Variants in P4HA1 observed in about 807,000 individuals in gnomAD.
P4HA1 encodes prolyl 4-hydroxylase subunit alpha 1.
P4HA1 carries 24 observed loss-of-function variants against 72.8 expected under a neutral mutation model. That is an observed-to-expected ratio of 0.33 (90% CI 0.24 to 0.46). The LOEUF is 0.46. Among genes scored for constraint, P4HA1 ranks in the 20% least tolerant of loss-of-function variants. The pLI is 1.00. For missense variants in P4HA1, 446 were observed against 640.6 expected, an observed-to-expected ratio of 0.70 and a Z score of 3.28; for synonymous variants, 201 against 218.8, an observed-to-expected ratio of 0.92 and a Z score of 0.72.
At chr10:73,041,547 C>CAAA (rs1330460920) in intron 9 of P4HA1, among the ~76,000 whole-genome samples, 6,144 of 146,600 alleles carry the variant, frequency 0.042, 470 homozygotes, top group African/African-American at 0.15. Flanking sequence ...CATCCCCCCC[C>CAAA]CAAAAAAAAA....
chr10:73,012,059 T>A (rs1839919923), intron 12 of P4HA1, among the ~76,000 whole-genome samples: 1 of 152,066 alleles, frequency 6.6e-6, no homozygotes, highest in Admixed American at 6.6e-5. Context: ...GGTATTTAAA[T>A]AACGGAAAAA....
intron 12 of P4HA1, among the ~76,000 whole-genome samples, chr10:73,012,341 A>G (rs189280802): frequency 3.3e-5 from 5 of 152,320 alleles, no homozygotes; most frequent in Admixed American, 3.3e-4. Context: ...TCTGACAAAC[A>G]TACTTCACAA....
intron 5 of P4HA1, among the ~76,000 whole-genome samples, chr10:73,057,408 T>C (rs1310650296): frequency 1.3e-5 from 2 of 152,064 alleles, no homozygotes; most frequent in Non-Finnish European, 2.9e-5. Flanking sequence ...GAGAATGGCA[T>C]GAACCTGGGA....
chr10:73,068,197 T>G (rs961417948), intron 5 of P4HA1, among the ~76,000 whole-genome samples: 1 of 152,192 alleles, frequency 6.6e-6, no homozygotes, highest in Admixed American at 6.5e-5. Flanking sequence ...ACATTTTGAT[T>G]AACAACTCAT....
chr10:73,070,091 T>C (rs1310492012), intron 4 of P4HA1, among the ~76,000 whole-genome samples: 2 of 148,096 alleles, frequency 1.4e-5, no homozygotes, highest in Non-Finnish European at 3.0e-5. Flanking sequence ...ATTACAGGCA[T>C]GAGCAACTGT....
At chr10:73,012,381 C>G (rs1839925009) in intron 12 of P4HA1, among the ~76,000 whole-genome samples, 1 of 152,192 alleles carries the variant, frequency 6.6e-6, no homozygotes, top group African/African-American at 2.4e-5. Context: ...GGGATATAAA[C>G]TGGTACAACC....
intron 10 of P4HA1, among the ~76,000 whole-genome samples, chr10:73,029,490 G>T (rs1840381365): frequency 1.3e-5 from 2 of 148,912 alleles, no homozygotes; most frequent in Non-Finnish European, 3.0e-5. Flanking sequence ...TGCACATTTT[G>T]ATAACTTCAA....
chr10:73,092,366 T>TTA (rs796622096), intron 1 of P4HA1, among the ~76,000 whole-genome samples: 75 of 141,702 alleles, frequency 5.3e-4, no homozygotes, highest in African/African-American at 1.8e-3. Context: ...TTTTTTTTTT[T>TTA]AGAGACAGGG....
intron 1 of P4HA1, among the ~76,000 whole-genome samples, chr10:73,085,364 A>G (rs543466442): frequency 6.6e-6 from 1 of 151,964 alleles, no homozygotes; most frequent in African/African-American, 2.4e-5. Flanking sequence ...ATCCAAATAT[A>G]TAAAGAACTT....
chr10:73,016,438 C>G (rs954499756), intron 11 of P4HA1, among the ~76,000 whole-genome samples: 1 of 152,210 alleles, frequency 6.6e-6, no homozygotes, highest in Non-Finnish European at 1.5e-5. Flanking sequence ...TGAATGAAGT[C>G]TGCCTTACCA....
chr10:73,014,833 T>C (rs983865703), intron 11 of P4HA1, among the ~76,000 whole-genome samples: 45 of 132,938 alleles, frequency 3.4e-4, no homozygotes, highest in African/African-American at 1.5e-3. Context: ...TCTTTTTTCT[T>C]TTTTTTTTTT....
intron 9 of P4HA1, among the ~76,000 whole-genome samples, chr10:73,036,060 C>T (rs1163871696): frequency 6.6e-6 from 1 of 151,660 alleles, no homozygotes; most frequent in East Asian, 2.0e-4. Flanking sequence ...TGAAGGTGCA[C>T]ACCTGTAACT....
intron 10 of P4HA1, among the ~76,000 whole-genome samples, chr10:73,018,090 C>T (rs1017131182): frequency 3.9e-5 from 6 of 152,190 alleles, no homozygotes; most frequent in African/African-American, 1.2e-4. Flanking sequence ...GCAGCTGTTA[C>T]ACCCTTCCTG....
intron 9 of P4HA1, among the ~76,000 whole-genome samples, chr10:73,034,210 T>A (rs1259069867): frequency 1.3e-5 from 2 of 152,024 alleles, no homozygotes; most frequent in African/African-American, 2.4e-5. Context: ...TGAGAACCTA[T>A]CTCTAAAAAA....
chr10:73,030,376 A>C lies in P4HA1; in HGVS notation c.1149-6T>G, dbSNP rs1225838743. 4.2e-6 allele frequency: 6 copies of C among 1,444,820 alleles called. No individual in the cohort carries two copies. The highest frequency in any genetic ancestry group is 5.7e-6 in the Non-Finnish European group (6 of 1,045,116). 89.5% of individuals were successfully genotyped at this position (1,444,820 alleles called of 1,614,324 possible). ...CATAGCCAGAGAGCCAGGCACTAAG[A>C]ATAAGAGGAATATTAGTTTTATTGA... On this transcript the variant is annotated splice_region_variant and splice_polypyrimidine_tract_variant and intron_variant, in intron 9 of 14. Transcript: ENST00000394890.
Position 73,051,300 on chromosome 10 carries a change from A to G in P4HA1, c.704-51T>C, listed in dbSNP as rs546770612. The G allele has an allele frequency of 6.2e-6, 6 of 971,250 alleles. No homozygotes were observed. In the East Asian group the frequency reaches 1.2e-4, roughly 19 times the overall value. 60.2% of individuals were successfully genotyped at this position (971,250 alleles called of 1,614,324 possible). On this transcript the variant is annotated intron_variant, in intron 6 of 14. Transcript: ENST00000394890. ...CCATGGGTAAGTTCATGCTTGTTCA[A>G]GCATCAGAATATAGTAATATAAAAA...
chr10:73,086,912 TA>T (rs1036397868), intron 1 of P4HA1, among the ~76,000 whole-genome samples: 31 of 112,750 alleles, frequency 2.7e-4, no homozygotes, highest in South Asian at 5.2e-4. Context: ...CCAGCCTGGG[TA>T]AAAGAGTGAG....
intron 9 of P4HA1, among the ~76,000 whole-genome samples, chr10:73,034,316 T>G (rs1002155297): frequency 6.9e-6 from 1 of 145,008 alleles, no homozygotes; most frequent in African/African-American, 2.8e-5. Context: ...ATTTTACCAT[T>G]TTAATTAAGT....
intron 1 of P4HA1, among the ~76,000 whole-genome samples, chr10:73,081,149 T>C (rs2133150549): frequency 6.6e-6 from 1 of 152,224 alleles, no homozygotes; most frequent in East Asian, 1.9e-4. Flanking sequence ...TCAAAATGGA[T>C]GCAATCTCCT....
Sources: gnomAD v4.1 joint callset for allele counts (sites outside exome capture counted in the v4.1 genomes callset) on GRCh38, gnomAD v4.1.1 for gene constraint, MANE v1.5 for transcripts, NCBI Gene and HGNC (gene_info 2026-07-23, HGNC 2026-07-21) for gene names.